LYRM4: variants seen among roughly 807,000 people sequenced by gnomAD.
LYRM4 encodes the protein LYR motif containing 4.
A neutral mutation model predicts 11.7 loss-of-function variants in LYRM4; 9 were observed. The observed-to-expected ratio is 0.77, with a 90% CI of 0.46 to 1.34. The LOEUF is 1.34. Ranked by LOEUF, LYRM4 falls within the 40% of genes most tolerant of loss-of-function variation. The probability of loss-of-function intolerance (pLI) is 0.00; values close to 1 mark genes in which losing one functional copy is unlikely to be tolerated. For synonymous variants in LYRM4, 42 were observed against 40.4 expected (o/e 1.04, Z -0.15); for missense variants, 133 against 112.5 (o/e 1.18, Z -0.82).
At chr6:5,085,917 C>G in the LYRM4 span, 1 of 1,529,864 alleles carries the variant, frequency 6.5e-7, no homozygotes, top group South Asian at 1.2e-5. Context: ...GCCTGGCCAG[C>G]GTGAAGCACT....
intron 2 of LYRM4, among the ~76,000 whole-genome samples, chr6:5,140,480 G>T (rs1483962014): frequency 6.6e-6 from 1 of 152,122 alleles, no homozygotes; most frequent in Non-Finnish European, 1.5e-5. Context: ...AGTACATAAG[G>T]CTGTGGCGTT....
chr6:5,065,127 C>T, the LYRM4 span, among the ~76,000 whole-genome samples: 2 of 152,130 alleles, frequency 1.3e-5, no homozygotes, highest in African/African-American at 4.8e-5. Flanking sequence ...AGTATATAGC[C>T]TTTCCAGGCT....
chr6:5,052,931 A>G, the LYRM4 span, among the ~76,000 whole-genome samples: 1 of 152,268 alleles, frequency 6.6e-6, no homozygotes, highest in Non-Finnish European at 1.5e-5. Context: ...CTAAAGGATA[A>G]TGCTTTTTCT....
Position 5,109,065 on chromosome 6 carries a change from C to T in LYRM4, c.*358G>A. The T allele has an allele frequency of 7.7e-6, 8 of 1,035,210 alleles. No individual in the cohort carries two copies. The highest frequency in any genetic ancestry group is 9.3e-6 in the Non-Finnish European group (8 of 860,816). 64.1% of individuals were successfully genotyped at this position (1,035,210 alleles called of 1,614,324 possible). On this transcript the variant is annotated 3_prime_UTR_variant, in exon 3 of 3. Coordinates refer to ENST00000330636, the MANE Select transcript of LYRM4 (RefSeq NM_020408.6). ...TAATTGGGAGGGGTTTATCTGGGGTCAAAGGCTCAGGGAGATCATTCTTTT... is the reference window on the plus strand; with the variant it reads ...TAATTGGGAGGGGTTTATCTGGGGTTAAAGGCTCAGGGAGATCATTCTTTT...
At position 5,153,743 on chromosome 6, in the gene LYRM4, G is replaced by C. The variant is rs80172137; in HGVS notation, c.208-44252C>G. Among the ~76,000 whole-genome samples the C allele has an allele frequency of 1.1e-3, 175 of 152,208 alleles. 2 individuals are homozygous for C. In the East Asian group the frequency reaches 0.033, roughly 29 times the overall value. On this transcript the variant is annotated intron_variant, in intron 2 of 2. Coordinates refer to ENST00000330636, the MANE Select transcript of LYRM4 (RefSeq NM_020408.6). ...TGGCAACCACTGTTGTACGGTGCTC[G>C]ACACATAAAGTAATCACTGATATAT...
chr6:5,247,814 C>CT (rs1270233192), intron 1 of LYRM4, among the ~76,000 whole-genome samples: 2 of 152,128 alleles, frequency 1.3e-5, no homozygotes, highest in Admixed American at 1.3e-4. Context: ...AAAAATTACT[C>CT]TGAGAGCAGA....
chr6:5,130,721 AG>A (rs1763913824), intron 2 of LYRM4, among the ~76,000 whole-genome samples: 1 of 152,194 alleles, frequency 6.6e-6, no homozygotes, highest in Non-Finnish European at 1.5e-5. Flanking sequence ...ATTTATGTCT[AG>A]GGAAACAGGT....
Position 5,141,345 on chromosome 6 carries a change from G to A in LYRM4, c.208-31854C>T, listed in dbSNP as rs74525462. 7.9e-4 allele frequency among the ~76,000 whole-genome samples: 121 copies of A among 152,252 alleles called. No individual in the cohort carries two copies. In the East Asian group the frequency reaches 0.012, roughly 15 times the overall value. ...CTTGGCAATCACTCGGCTTCTCTGC[G>A]CATCAGTTTTCTCTCTGTAAAGTGG... is the stretch of plus-strand genomic sequence containing the variant. On this transcript the variant is annotated intron_variant, in intron 2 of 2. Coordinates refer to ENST00000330636, the MANE Select transcript of LYRM4 (RefSeq NM_020408.6).
chr6:5,234,063 T>C (rs17139853), intron 1 of LYRM4, among the ~76,000 whole-genome samples: 7,474 of 152,336 alleles, frequency 0.049, 602 homozygotes, highest in African/African-American at 0.16. Context: ...ACAATTGGCT[T>C]TAATTTCAAG....
chr6:5,048,308 T>TGA, the LYRM4 span, among the ~76,000 whole-genome samples: 4 of 139,080 alleles, frequency 2.9e-5, no homozygotes, highest in African/African-American at 1.3e-4. Flanking sequence ...TGTGTGTGTG[T>TGA]GTGTGTGTGT....
intron 2 of LYRM4, among the ~76,000 whole-genome samples, chr6:5,153,583 C>T (rs951544584): frequency 6.6e-6 from 1 of 152,186 alleles, no homozygotes; most frequent in African/African-American, 2.4e-5. Context: ...GAGGCAATCA[C>T]CAGTACCTCC....
intron 2 of LYRM4, among the ~76,000 whole-genome samples, chr6:5,137,807 G>T (rs1757178767): frequency 6.6e-6 from 1 of 152,234 alleles, no homozygotes; most frequent in South Asian, 2.1e-4. Flanking sequence ...ACACACTGGA[G>T]TAAGAGTTGA....
At chr6:5,148,728 C>G (rs564668223) in intron 2 of LYRM4, among the ~76,000 whole-genome samples, 37 of 152,202 alleles carry the variant, frequency 2.4e-4, no homozygotes, top group Middle Eastern at 6.8e-3. Context: ...ACTTTACCAA[C>G]AATAATTCTT....
chr6:5,099,290 C>A (rs951254340), downstream of LYRM4, among the ~76,000 whole-genome samples: 1 of 151,786 alleles, frequency 6.6e-6, no homozygotes, highest in Non-Finnish European at 1.5e-5. The surrounding 1 kb of genome is among the most constrained non-coding windows in gnomAD (Gnocchi z 4.3). Context: ...GCAACCTCCA[C>A]CTCCTGGGCT....
At chr6:5,044,062 C>T in the LYRM4 span, among the ~76,000 whole-genome samples, 62 of 152,262 alleles carry the variant, frequency 4.1e-4, no homozygotes, top group African/African-American at 1.4e-3. Context: ...TAATCCTCTC[C>T]GTTGGCCTTA....
intron 2 of LYRM4, among the ~76,000 whole-genome samples, chr6:5,199,745 A>C (rs393391): frequency 0.32 from 48,246 of 152,102 alleles, 7,887 homozygotes; most frequent in African/African-American, 0.41. Flanking sequence ...TGGCCAACCC[A>C]TCCCAATTTA....
chr6:5,110,872 T>C (rs889597919), intron 2 of LYRM4, among the ~76,000 whole-genome samples: 1 of 152,176 alleles, frequency 6.6e-6, no homozygotes, highest in Admixed American at 6.5e-5. Context: ...TCTCGCAACC[T>C]GCAGGTAATG....
chr6:5,094,373 A>C, the LYRM4 span, among the ~76,000 whole-genome samples: 3 of 152,164 alleles, frequency 2.0e-5, no homozygotes, highest in African/African-American at 7.2e-5. Flanking sequence ...AGTCCAAGCT[A>C]CTCAGGAGGC....
chr6:5,228,319 C>T (rs1363785008), intron 1 of LYRM4, among the ~76,000 whole-genome samples: 4 of 151,994 alleles, frequency 2.6e-5, no homozygotes, highest in South Asian at 2.1e-4. Flanking sequence ...CTCTATCGTC[C>T]AGGCTGCAGT....
Sources: allele counts gnomAD v4.1 joint callset (sites outside exome capture counted in the v4.1 genomes callset), GRCh38; gene constraint gnomAD v4.1.1; non-coding constraint Gnocchi (gnomAD v3.1); transcripts MANE v1.5; gene names NCBI Gene and HGNC (gene_info 2026-07-23, HGNC 2026-07-21).